The following DIAPH3 variants were observed in gnomAD, a reference collection of about 807,000 sequenced individuals.
DIAPH3 encodes diaphanous related formin 3, also known as protein diaphanous homolog 3.
A neutral mutation model predicts 144.3 loss-of-function variants in DIAPH3; 117 were observed. That is an observed-to-expected ratio of 0.81 (90% CI 0.70 to 0.95). The LOEUF is 0.95. Ranked by LOEUF, DIAPH3 falls within the 40% of genes least tolerant of loss-of-function variation. The pLI, the probability that DIAPH3 is intolerant of heterozygous loss-of-function variation, is 0.00. For synonymous variants in DIAPH3, 519 were observed against 488.9 expected, an observed-to-expected ratio of 1.06 and a Z score of -0.81; for missense variants, 1,421 against 1,412.7, an observed-to-expected ratio of 1.01 and a Z score of -0.09.
chr13:60,149,904 T>C (rs996638419), intron 1 of DIAPH3, among the ~76,000 whole-genome samples: 26 of 152,290 alleles, frequency 1.7e-4, no homozygotes, highest in African/African-American at 6.3e-4. Flanking sequence ...AATGTCATCA[T>C]GGCAGGTGGT....
At chr13:59,839,632 AAGAC>A (rs1292893382) in intron 22 of DIAPH3, among the ~76,000 whole-genome samples, 184 bp from the exon 23 acceptor site, 34 of 152,340 alleles carry the variant, frequency 2.2e-4, no homozygotes, top group Non-Finnish European at 1.9e-4. Flanking sequence ...GAAATTCAGT[AAGAC>A]AGTCTTTAAA....
chr13:59,742,602 G>GAGA (rs2036515559), intron 27 of DIAPH3, among the ~76,000 whole-genome samples: 1 of 132,702 alleles, frequency 7.5e-6, no homozygotes, highest in South Asian at 2.4e-4. Context: ...GAAAAGAAAA[G>GAGA]AAAGAAAAGA....
chr13:59,872,621 C>G (rs1424932653), intron 21 of DIAPH3, among the ~76,000 whole-genome samples: 1 of 152,032 alleles, frequency 6.6e-6, no homozygotes, highest in Non-Finnish European at 1.5e-5. Context: ...CAATGCAGAC[C>G]CTTGATAAAG....
intron 27 of DIAPH3, among the ~76,000 whole-genome samples, chr13:59,769,134 A>G (rs1050309957): frequency 3.3e-5 from 5 of 152,288 alleles, no homozygotes; most frequent in Middle Eastern, 6.8e-3. Context: ...TCAACAATTC[A>G]TATCTGTGGA....
intron 27 of DIAPH3, among the ~76,000 whole-genome samples, chr13:59,706,381 C>A (rs138180259): frequency 6.6e-5 from 10 of 151,982 alleles, no homozygotes; most frequent in Middle Eastern, 3.4e-3. Flanking sequence ...ACATATAATA[C>A]CAAACAATGG....
At chr13:59,786,782 G>A (rs957677849) in intron 25 of DIAPH3, among the ~76,000 whole-genome samples, 9 of 152,186 alleles carry the variant, frequency 5.9e-5, no homozygotes, top group Admixed American at 3.9e-4. Flanking sequence ...GGGTAGAGAA[G>A]GTGGCTCTGT....
At chr13:59,789,436 G>A (rs999360833) in intron 25 of DIAPH3, among the ~76,000 whole-genome samples, 3 of 152,044 alleles carry the variant, frequency 2.0e-5, no homozygotes, top group Non-Finnish European at 4.4e-5. Context: ...TTTTATTAGT[G>A]AAGAATTGAC....
At chr13:59,797,229 T>C (rs2039658733) in intron 25 of DIAPH3, among the ~76,000 whole-genome samples, 2 of 152,218 alleles carry the variant, frequency 1.3e-5, no homozygotes, top group Admixed American at 1.3e-4. Flanking sequence ...CTTCTAATGC[T>C]GTTTATTTAT....
intron 25 of DIAPH3, among the ~76,000 whole-genome samples, chr13:59,790,054 T>C (rs934965461): frequency 1.3e-5 from 2 of 152,198 alleles, no homozygotes; most frequent in African/African-American, 2.4e-5. Flanking sequence ...TCTACAAAGA[T>C]ACACTAAGGA....
chr13:60,030,572 C>A (rs1340274140), intron 5 of DIAPH3, among the ~76,000 whole-genome samples: 1 of 152,080 alleles, frequency 6.6e-6, no homozygotes, highest in African/African-American at 2.4e-5. Flanking sequence ...GTACTCTGAT[C>A]TTCTCTCCTG....
chr13:59,817,331 G>A (rs916002701), intron 24 of DIAPH3, among the ~76,000 whole-genome samples: 3 of 151,746 alleles, frequency 2.0e-5, no homozygotes, highest in East Asian at 1.9e-4. Flanking sequence ...TCAACTTATC[G>A]ATATAGTTTA....
At chr13:59,792,111 G>A (rs2039358106) in intron 25 of DIAPH3, among the ~76,000 whole-genome samples, 1 of 152,076 alleles carries the variant, frequency 6.6e-6, no homozygotes, top group African/African-American at 2.4e-5. Context: ...TTGAAAATGG[G>A]CTCTACTTGG....
chr13:60,151,244 G>A (rs981607306), intron 1 of DIAPH3, among the ~76,000 whole-genome samples: 5 of 152,110 alleles, frequency 3.3e-5, no homozygotes, highest in Admixed American at 6.6e-5. Flanking sequence ...CTAAGCTATC[G>A]TAACATGTGT....
chr13:59,741,821 A>T (rs1352494045), intron 27 of DIAPH3, among the ~76,000 whole-genome samples: 1 of 152,120 alleles, frequency 6.6e-6, no homozygotes, highest in South Asian at 2.1e-4. Flanking sequence ...ATTCAAAATG[A>T]CATAGGGGGT....
chr13:59,712,289 A>G (rs796581831), intron 27 of DIAPH3, among the ~76,000 whole-genome samples: 12 of 152,196 alleles, frequency 7.9e-5, no homozygotes, highest in African/African-American at 2.7e-4. Context: ...AGCTGCAGAC[A>G]TGGTCTTTCA....
chr13:60,022,879 A>T (rs1455261118), intron 5 of DIAPH3, among the ~76,000 whole-genome samples: 1 of 152,192 alleles, frequency 6.6e-6, no homozygotes, highest in Non-Finnish European at 1.5e-5. Context: ...TTCTGCATTG[A>T]TTCAAATGAT....
intron 13 of DIAPH3, among the ~76,000 whole-genome samples, chr13:59,982,519 T>G (rs2051082107): frequency 6.6e-6 from 1 of 151,480 alleles, no homozygotes; most frequent in South Asian, 2.1e-4. Context: ...TTCATTCTTC[T>G]CCCAGGACTC....
At chr13:60,014,969 T>TG (rs1555357127) in intron 7 of DIAPH3, among the ~76,000 whole-genome samples, 2 of 147,000 alleles carry the variant, frequency 1.4e-5, no homozygotes, top group African/African-American at 5.1e-5. Flanking sequence ...TTTTCTAGTT[T>TG]TTTTGTTTTG....
rs925185228 is a variant in DIAPH3, at chr13:60,086,202, T to C, written c.495+7426A>G. Among the ~76,000 whole-genome samples the C allele has an allele frequency of 3.3e-5, 5 of 152,164 alleles. No homozygotes were observed. The South Asian group carries it at 6.2e-4, about 19-fold the overall frequency. The stretch of plus-strand genomic sequence containing the variant: ...GAAAAGATGATCAGTTTCTTCATTA[T>C]CATCTCCTACCTAAACAAAAACACA... On this transcript the variant is annotated intron_variant, in intron 4 of 27. Coordinates refer to ENST00000400324, the MANE Select transcript of DIAPH3 (RefSeq NM_001042517.2).
Sources: allele counts gnomAD v4.1 joint callset (sites outside exome capture counted in the v4.1 genomes callset), GRCh38; gene constraint gnomAD v4.1.1; transcripts MANE v1.5; gene names NCBI Gene and HGNC (gene_info 2026-07-23, HGNC 2026-07-21).